The following ZGRF1 variants were observed in gnomAD, a reference collection of about 807,000 sequenced individuals.
ZGRF1 encodes zinc finger GRF-type containing 1.
Under a neutral mutation model 203.5 loss-of-function variants are expected in ZGRF1, and 196 were observed. The ratio of observed to expected loss-of-function variants is 0.96; its 90% CI spans 0.86 to 1.08. The LOEUF is 1.08. Ranked by LOEUF, ZGRF1 falls within the 50% of genes least tolerant of loss-of-function variation. ZGRF1 has a pLI of 0.00. For synonymous variants in ZGRF1, 809 were observed against 841.3 expected, an observed-to-expected ratio of 0.96 and a Z score of 0.66; for missense variants, 2,326 against 2,416.3, an observed-to-expected ratio of 0.96 and a Z score of 0.78.
chr4:112,569,882 T>TAAATA (rs1470046860), intron 16 of ZGRF1, among the ~76,000 whole-genome samples: 1 of 152,036 alleles, frequency 6.6e-6, no homozygotes, highest in Non-Finnish European at 1.5e-5. Context: ...CTAGTCAAAA[T>TAAATA]AAACTTAGCA....
At chr4:112,582,580 A>G (rs1746455676) in intron 15 of ZGRF1, among the ~76,000 whole-genome samples, 1 of 151,914 alleles carries the variant, frequency 6.6e-6, no homozygotes, top group Non-Finnish European at 1.5e-5. Context: ...CAGCCTCCCA[A>G]GTAGCTGGGA....
intron 24 of ZGRF1, among the ~76,000 whole-genome samples, chr4:112,545,317 A>G (rs1460486030): frequency 6.6e-6 from 1 of 152,052 alleles, no homozygotes; most frequent in African/African-American, 2.4e-5. Flanking sequence ...CAAACAACCC[A>G]ATTAAAAAAT....
chr4:112,546,619 CAT>C (rs1465606239), intron 24 of ZGRF1, among the ~76,000 whole-genome samples: 2 of 152,198 alleles, frequency 1.3e-5, no homozygotes, highest in African/African-American at 4.8e-5. Context: ...CCCATTATCA[CAT>C]GAGTGGGTTC....
intron 16 of ZGRF1, among the ~76,000 whole-genome samples, chr4:112,565,904 G>A (rs568117096): frequency 1.3e-5 from 2 of 152,308 alleles, no homozygotes; most frequent in South Asian, 2.1e-4. Flanking sequence ...TGGTGGGACT[G>A]TAAACTAGTT....
intron 3 of ZGRF1, 180 bp from the exon 4 acceptor site, chr4:112,624,056 AG>A (rs1362852337): frequency 1.2e-5 from 6 of 519,802 alleles, no homozygotes; most frequent in African/African-American, 2.0e-5. Flanking sequence ...AGTCTGTTTA[AG>A]AGAGTAAAGG....
At chr4:112,583,528 G>A (rs1308808730) in intron 15 of ZGRF1, among the ~76,000 whole-genome samples, 2 of 152,138 alleles carry the variant, frequency 1.3e-5, no homozygotes, top group African/African-American at 4.8e-5. Flanking sequence ...TTCCCTGGCC[G>A]AGCATGATAG....
intron 12 of ZGRF1, among the ~76,000 whole-genome samples, chr4:112,587,048 A>T (rs1747306776): frequency 6.6e-6 from 1 of 152,222 alleles, no homozygotes; most frequent in African/African-American, 2.4e-5. Context: ...TTAAGTACTG[A>T]TAATTTACCA....
At chr4:112,546,057 TG>T (rs1269462369) in intron 24 of ZGRF1, among the ~76,000 whole-genome samples, 3 of 76,766 alleles carry the variant, frequency 3.9e-5, no homozygotes, top group Non-Finnish European at 8.1e-5. Flanking sequence ...TACAACATTA[TG>T]AATGTACTTT....
intron 6 of ZGRF1, among the ~76,000 whole-genome samples, chr4:112,617,036 C>A (rs2046900224): frequency 6.6e-6 from 1 of 151,948 alleles, no homozygotes; most frequent in African/African-American, 2.4e-5. Context: ...ACTTGGGAGG[C>A]AGAGGTTGCA....
rs1746283890 is a variant in ZGRF1 at position 112,581,669 on chromosome 4, T to C, written c.4432A>G (p.Ser1478Gly). 3 of 1,578,460 alleles carry C rather than the reference T, an allele frequency of 1.9e-6. No homozygotes were observed. In the South Asian group the frequency reaches 3.6e-5, roughly 19 times the overall value. ...TATGATCAGATCAACTTACTTTTGC[T>C]ATAAGCTGAAGATCTTTCCTTCCGA... is the stretch of plus-strand genomic sequence containing the variant. ...LSRKERSSAYSKNDLWVVSKT... is the reference protein window; with the variant it reads ...LSRKERSSAYGKNDLWVVSKT... Residue 1478 changes from serine (S) to glycine (G), a missense_variant, in exon 16 of 28, where the codon AGC becomes GGC. Physicochemically the swap from Ser to Gly is moderately conservative, Grantham distance 56. Transcript: ENST00000505019.
chr4:112,631,942 G>A lies in ZGRF1; in HGVS notation c.90C>T (p.His30=), dbSNP rs1376167067. ...VWQDGILKIT[H]LGNKAILYDD... The stretch of plus-strand genomic sequence containing the variant: ...GCTTTGTACTCACTTTGTTTCCTAA[G>A]TGAGTGATCTTCAGAATTCCATCTT... The change falls in exon 3 of 28, where the codon CAC becomes CAT. Residue 30 remains histidine, a synonymous_variant. Coordinates refer to ENST00000505019, the MANE Select transcript of ZGRF1 (RefSeq NM_018392.5). 2 of 1,593,922 alleles carry A rather than the reference G, an allele frequency of 1.3e-6. No individual in the cohort carries two copies. Among genetic ancestry groups the A allele is most frequent in the Non-Finnish European group, 1.7e-6 (2 of 1,169,078 alleles).
chr4:112,543,897 G>C (rs1738218790), intron 24 of ZGRF1, among the ~76,000 whole-genome samples: 1 of 152,112 alleles, frequency 6.6e-6, no homozygotes, highest in African/African-American at 2.4e-5. Flanking sequence ...TCCGGTGCCA[G>C]AGCTGGTGTT....
At chr4:112,630,518 C>CA (rs894406772) in intron 3 of ZGRF1, among the ~76,000 whole-genome samples, 18 of 148,326 alleles carry the variant, frequency 1.2e-4, no homozygotes, top group East Asian at 2.0e-4. Context: ...AAATCCATCT[C>CA]AAAAAAAAAG....
Position 112,619,438 on chromosome 4 carries a change from T to C in ZGRF1, c.604A>G (p.Ile202Val). Residue 202 changes from isoleucine (I) to valine (V), a missense_variant, in exon 6 of 28, where the codon ATT becomes GTT. Coordinates refer to ENST00000505019, the MANE Select transcript of ZGRF1 (RefSeq NM_018392.5). ...FSSVFSPSFQ[I>V]NPEVLCEENY... ...TCTTCACACAGCACTTCTGGGTTAA[T>C]CTGGAAGGATGGAGAAAAAACCGAA... 1 of 1,612,606 alleles carries C rather than the reference T, an allele frequency of 6.2e-7. No individual in the cohort carries two copies. The highest frequency in any genetic ancestry group is 8.5e-7 in the Non-Finnish European group (1 of 1,179,368).
intron 4 of ZGRF1, among the ~76,000 whole-genome samples, chr4:112,621,064 AC>A (rs1186049353): frequency 1.3e-5 from 2 of 152,086 alleles, no homozygotes; most frequent in Non-Finnish European, 2.9e-5. Context: ...AATAAATATT[AC>A]ATACTGGGGA....
chr4:112,618,896 C>T lies in ZGRF1; in HGVS notation c.1146G>A (p.Arg382=), dbSNP rs1364199631. The change falls in exon 6 of 28, where the codon AGG becomes AGA. Residue 382 remains arginine (R), a synonymous_variant. Transcript: ENST00000505019. ...CTGACTGGTCTACATTATACTTTTTCCTCTCTTCAGCATACGTTTCAACGA... is the reference window on the plus strand; with the variant it reads ...CTGACTGGTCTACATTATACTTTTTTCTCTCTTCAGCATACGTTTCAACGA... ...IQFVETYAEE[R]KKYNVDQSVG... 2.5e-6 allele frequency: 4 copies of T among 1,613,618 alleles called. No homozygotes were observed. Among genetic ancestry groups the T allele is most frequent in the East Asian group, 4.5e-5 (2 of 44,870 alleles).
chr4:112,573,727 TTTTA>T (rs1189950395), intron 16 of ZGRF1, among the ~76,000 whole-genome samples: 3 of 152,180 alleles, frequency 2.0e-5, no homozygotes, highest in Non-Finnish European at 2.9e-5. Context: ...AATTAAGAAT[TTTTA>T]TTTATCTAAA....
Position 112,547,343 on chromosome 4 carries a change from GA to G in ZGRF1, c.5539del (p.Ser1847LeufsTer19). 1 of 1,613,608 alleles carries G rather than the reference GA, an allele frequency of 6.2e-7. No individual in the cohort carries two copies. The highest frequency in any genetic ancestry group is 1.7e-4 in the Middle Eastern group (1 of 6,060). ...PKQLPPTIQG[S>X]DAAHENGLEQ... ...CAATCCATTTTCATGAGCTGCATCA[GA>G]ACCCTGAATAGTAGGAGGTAGCTGT... On this transcript the variant is annotated frameshift_variant, in exon 24 of 28. Coordinates refer to ENST00000505019, the MANE Select transcript of ZGRF1 (RefSeq NM_018392.5). LOFTEE classifies it high-confidence loss of function.
At chr4:112,589,926 CT>C (rs780730547) in intron 10 of ZGRF1, 52 bp from the exon 11 acceptor site, 54 of 1,389,590 alleles carry the variant, frequency 3.9e-5, no homozygotes, top group Non-Finnish European at 5.1e-5. Context: ...TGATTTTTTT[CT>C]TTAGTTTGAA....
Sources: allele counts gnomAD v4.1 joint callset (sites outside exome capture counted in the v4.1 genomes callset), GRCh38; gene constraint gnomAD v4.1.1; transcripts MANE v1.5; gene names NCBI Gene and HGNC (gene_info 2026-07-23, HGNC 2026-07-21).